Variants in GFRAL observed in about 807,000 individuals in gnomAD.
GFRAL encodes GDNF family receptor alpha like, also known as GDNF family receptor alpha-like.
GFRAL carries 36 observed loss-of-function variants against 45.4 expected under a neutral mutation model. The ratio of observed to expected loss-of-function variants is 0.79; its 90% CI spans 0.61 to 1.05. The LOEUF (loss-of-function observed/expected upper bound fraction) is 1.05, where lower values mean the gene tolerates loss of function less well. GFRAL is among the 50% of genes least tolerant of loss of function. GFRAL has a pLI of 0.00. For synonymous variants in GFRAL, 166 were observed against 154.1 expected, an observed-to-expected ratio of 1.08 and a Z score of -0.57; for missense variants, 507 against 467.5, an observed-to-expected ratio of 1.08 and a Z score of -0.78.
intron 6 of GFRAL, among the ~76,000 whole-genome samples, chr6:55,380,098 T>C (rs970284012): frequency 6.6e-6 from 1 of 152,018 alleles, no homozygotes; most frequent in African/African-American, 2.4e-5. Flanking sequence ...AATGCAGATA[T>C]ATCTTCAGCA....
chr6:55,356,226 T>C (rs1768192777), intron 5 of GFRAL, among the ~76,000 whole-genome samples: 1 of 152,006 alleles, frequency 6.6e-6, no homozygotes, highest in Admixed American at 6.6e-5. Context: ...AGGGTGATAC[T>C]GGCCTCAAAG....
chr6:55,344,891 C>G (rs1254448985), intron 3 of GFRAL, among the ~76,000 whole-genome samples: 2 of 152,086 alleles, frequency 1.3e-5, no homozygotes, highest in Admixed American at 6.6e-5. Flanking sequence ...TTCCTATACA[C>G]CAATAATAGA....
chr6:55,370,535 A>G (rs904943647), intron 6 of GFRAL, among the ~76,000 whole-genome samples: 12 of 152,196 alleles, frequency 7.9e-5, no homozygotes, highest in African/African-American at 2.9e-4. Context: ...TTCCATTTTA[A>G]AAAATTGTAA....
chr6:55,373,051 A>T (rs1383178611), intron 6 of GFRAL, among the ~76,000 whole-genome samples: 1 of 151,686 alleles, frequency 6.6e-6, no homozygotes, highest in African/African-American at 2.4e-5. Flanking sequence ...AACCCCCACT[A>T]TAAACCTACA....
intron 3 of GFRAL, among the ~76,000 whole-genome samples, chr6:55,346,064 G>C (rs1365670820): frequency 6.6e-6 from 1 of 152,156 alleles, no homozygotes; most frequent in Non-Finnish European, 1.5e-5. Flanking sequence ...AGGATGTGGA[G>C]AAATAGGAAC....
Position 55,345,001 on chromosome 6 carries a change from T to G in GFRAL, c.317-5091T>G, listed in dbSNP as rs190807523. 1.8e-3 allele frequency among the ~76,000 whole-genome samples: 278 copies of G among 152,280 alleles called. 1 individual carries two copies. Among genetic ancestry groups the G allele is most frequent in the African/African-American group, 6.2e-3 (259 of 41,560 alleles). On this transcript the variant is annotated intron_variant, in intron 3 of 8. Coordinates refer to ENST00000340465, the MANE Select transcript of GFRAL (RefSeq NM_207410.2). ...ACTTACAAGGGATGTGAAGGACCTC[T>G]TCAAGGAGGACTACAAACCACTGCT...
intron 6 of GFRAL, among the ~76,000 whole-genome samples, chr6:55,379,766 CTT>C (rs1281719334): frequency 1.3e-5 from 2 of 151,848 alleles, no homozygotes; most frequent in Non-Finnish European, 2.9e-5. Flanking sequence ...TGAATTTTTT[CTT>C]CCTATCTAAC....
intron 1 of GFRAL, among the ~76,000 whole-genome samples, chr6:55,329,850 A>G (rs1194956552): frequency 6.8e-6 from 1 of 147,386 alleles, no homozygotes; most frequent in Non-Finnish European, 1.5e-5. Flanking sequence ...GGTAAGATTT[A>G]AAAAAAAAAG....
intron 3 of GFRAL, among the ~76,000 whole-genome samples, chr6:55,344,745 C>G (rs577135663): frequency 6.6e-6 from 1 of 152,176 alleles, no homozygotes. Context: ...AAGAGAAAGT[C>G]AAATTGTCCC....
At chr6:55,374,051 C>T (rs1030585030) in intron 6 of GFRAL, among the ~76,000 whole-genome samples, 1 of 152,160 alleles carries the variant, frequency 6.6e-6, no homozygotes, top group African/African-American at 2.4e-5. Context: ...CTTCCAATTC[C>T]ATCCATTTTC....
chr6:55,339,403 A>G (rs1767933016), intron 3 of GFRAL, among the ~76,000 whole-genome samples: 1 of 152,192 alleles, frequency 6.6e-6, no homozygotes, highest in South Asian at 2.1e-4. Context: ...TCAAGCTGGC[A>G]TTGGGAAGCA....
At chr6:55,349,321 T>A (rs114850349) in intron 3 of GFRAL, among the ~76,000 whole-genome samples, 2,020 of 152,182 alleles carry the variant, frequency 0.013, 25 homozygotes, top group Non-Finnish European at 0.022. Flanking sequence ...ACAAAACTTA[T>A]TATCTTAATA....
chr6:55,373,352 A>G (rs1439190415), intron 6 of GFRAL, among the ~76,000 whole-genome samples: 3 of 152,168 alleles, frequency 2.0e-5, no homozygotes, highest in Non-Finnish European at 2.9e-5. Context: ...TGGAATGTTC[A>G]TAGCCAAATC....
At chr6:55,341,402 C>T (rs1263951259) in intron 3 of GFRAL, among the ~76,000 whole-genome samples, 1 of 152,184 alleles carries the variant, frequency 6.6e-6, no homozygotes, top group African/African-American at 2.4e-5. Context: ...TTCTGACACC[C>T]AGTCAAACAG....
At chr6:55,384,240 C>G (rs577878499) in intron 6 of GFRAL, among the ~76,000 whole-genome samples, 1 of 151,992 alleles carries the variant, frequency 6.6e-6, no homozygotes, top group Admixed American at 6.6e-5. Context: ...CCTGCATGTT[C>G]TGCATGTGTA....
intron 3 of GFRAL, among the ~76,000 whole-genome samples, chr6:55,335,334 G>A (rs1293396566): frequency 1.3e-5 from 2 of 151,996 alleles, no homozygotes; most frequent in African/African-American, 4.8e-5. Context: ...ATTGCATTGA[G>A]TTTTGAGAGC....
chr6:55,344,203 C>G (rs1463553115), intron 3 of GFRAL, among the ~76,000 whole-genome samples: 1 of 152,080 alleles, frequency 6.6e-6, no homozygotes. Context: ...CCAGCATCAA[C>G]CTGATAACAA....
intron 6 of GFRAL, among the ~76,000 whole-genome samples, chr6:55,364,094 T>C (rs866812116): frequency 0.087 from 10,999 of 126,438 alleles, 681 homozygotes; most frequent in African/African-American, 0.15. Context: ...TCCTCTCCAG[T>C]ACCTGTTGTT....
chr6:55,328,520 T>G lies in GFRAL; in HGVS notation c.22+944T>G, dbSNP rs372788349. On this transcript the variant is annotated intron_variant, in intron 1 of 8. Transcript: ENST00000340465. ...TCCCTTATATTTTCAGTTTTTCTTT[T>G]GTTTAAGTAATATTTTTCCATTGTT... is the stretch of plus-strand genomic sequence containing the variant. 2.8e-4 allele frequency among the ~76,000 whole-genome samples: 42 copies of G among 152,020 alleles called. 1 individual carries two copies. The South Asian group carries it at 4.4e-3, about 16-fold the overall frequency.
Sources: gnomAD v4.1 joint callset for allele counts (sites outside exome capture counted in the v4.1 genomes callset) on GRCh38, gnomAD v4.1.1 for gene constraint, MANE v1.5 for transcripts, NCBI Gene and HGNC (gene_info 2026-07-23, HGNC 2026-07-21) for gene names.